Variants in MGAM2 observed in about 807,000 individuals in gnomAD.
MGAM2 encodes the protein maltase-glucoamylase 2 (putative).
A neutral mutation model predicts 96.1 loss-of-function variants in MGAM2; 98 were observed. That is an observed-to-expected ratio of 1.02 (90% CI 0.87 to 1.21). The LOEUF (loss-of-function observed/expected upper bound fraction) is 1.21, where lower values mean the gene tolerates loss of function less well. Among genes scored for constraint, MGAM2 ranks in the 50% most tolerant of loss-of-function variants. The probability of loss-of-function intolerance (pLI) is 0.00; values close to 1 mark genes in which losing one functional copy is unlikely to be tolerated. For synonymous variants in MGAM2, 749 were observed against 414.8 expected, an observed-to-expected ratio of 1.81 and a Z score of -9.79; for missense variants, 2,055 against 1,182.4, an observed-to-expected ratio of 1.74 and a Z score of -10.82.
chr7:142,160,600 G>T (rs12703439), intron 21 of MGAM2, among the ~76,000 whole-genome samples: 32,898 of 151,226 alleles, frequency 0.22, 3,686 homozygotes, highest in Middle Eastern at 0.31. Context: ...AGGAGATAAA[G>T]GTTATCACGT....
intron 38 of MGAM2, 37 bp downstream of exon 38, chr7:142,196,324 G>A (rs918216427): frequency 4.3e-6 from 3 of 693,236 alleles, no homozygotes; most frequent in South Asian, 1.6e-5. Context: ...GTGCTGGCAG[G>A]GAGGGCACTG....
chr7:142,204,758 T>C (rs536885499), intron 45 of MGAM2, among the ~76,000 whole-genome samples: 27 of 152,192 alleles, frequency 1.8e-4, no homozygotes, highest in African/African-American at 6.5e-4. Context: ...AATTAGCATG[T>C]CTAACTTATG....
chr7:142,169,327 C>T lies in MGAM2; in HGVS notation c.3028-748C>T, dbSNP rs571903565. Among the ~76,000 whole-genome samples the T allele has an allele frequency of 3.3e-5, 5 of 152,194 alleles. No individual in the cohort carries two copies. In the South Asian group the frequency reaches 1.0e-3, roughly 32 times the overall value. On this transcript the variant is annotated intron_variant, in intron 26 of 47. Transcript: ENST00000477922. ...GTTCTAGCTACTCAGGAGGCTGAAG[C>T]ATGGGAATCACTTGAACCTGGGTGG...
At chr7:142,197,123 G>A (rs1446812790) in intron 40 of MGAM2, among the ~76,000 whole-genome samples, 1 of 152,084 alleles carries the variant, frequency 6.6e-6, no homozygotes, top group Non-Finnish European at 1.5e-5. Context: ...CAAATTCATC[G>A]AAGATATGTT....
chr7:142,165,051 C>T (rs769443969), intron 24 of MGAM2, 28 bp downstream of exon 24: 25 of 671,902 alleles, frequency 3.7e-5, no homozygotes, highest in South Asian at 2.4e-4. Context: ...TCTGCAGGGC[C>T]CTTTCCAGAG....
At chr7:142,174,336 C>G (rs1193059961) in intron 31 of MGAM2, among the ~76,000 whole-genome samples, 1 of 152,096 alleles carries the variant, frequency 6.6e-6, no homozygotes, top group African/African-American at 2.4e-5. Flanking sequence ...TTGTTTGTAT[C>G]ATCTCTGATT....
At chr7:142,146,315 T>C (rs73158440) in intron 14 of MGAM2, among the ~76,000 whole-genome samples, 3 of 151,742 alleles carry the variant, frequency 2.0e-5, no homozygotes, top group Non-Finnish European at 2.9e-5. Context: ...CTTTCCAGGA[T>C]TGCATAGTGC....
In MGAM2 at chr7:142,148,759, G is replaced by C. The variant is rs1004116353; in HGVS notation, c.1634+1186G>C. On this transcript the variant is annotated intron_variant, in intron 15 of 47. Coordinates refer to ENST00000477922, the MANE Select transcript of MGAM2 (RefSeq NM_001293626.2). The surrounding 1 kb of genome is among the most constrained non-coding windows in gnomAD (Gnocchi z 4.2). ...AGGAAAGAGCATCTTTGTCTTTCTCGGCTTCTTTCCCCCTGTTTTGGTGTT... is the reference window on the plus strand; with the variant it reads ...AGGAAAGAGCATCTTTGTCTTTCTCCGCTTCTTTCCCCCTGTTTTGGTGTT... 6.6e-6 allele frequency among the ~76,000 whole-genome samples: 1 copy of C among 152,116 alleles called. No individual in the cohort carries two copies. The highest frequency in any genetic ancestry group is 1.5e-5 in the Non-Finnish European group (1 of 68,018).
chr7:142,221,571 A>G lies in MGAM2; in HGVS notation c.7060A>G (p.Ile2354Val). Reference sequence around the variant, plus strand: ...TCTTGATACAAAAAGTACCATGGTAATAGATGCTACGGTCACTACTACCAG... The same window carrying G: ...TCTTGATACAAAAAGTACCATGGTAGTAGATGCTACGGTCACTACTACCAG... ...NTLDTKSTMV[I>V]DATVTTTSTK... is the part of the protein sequence containing the mutation. The change falls in exon 48 of 48, where the codon ATA (isoleucine) becomes GTA (valine). Residue 2354 changes from isoleucine (I) to valine (V), a missense_variant. Coordinates refer to ENST00000477922, the MANE Select transcript of MGAM2 (RefSeq NM_001293626.2). The G allele has an allele frequency of 1.9e-6, 1 of 536,624 alleles. No individual in the cohort carries two copies. Among genetic ancestry groups the G allele is most frequent in the Non-Finnish European group, 3.3e-6 (1 of 307,168 alleles). The allele number at this position is 536,624 out of a possible 1,614,324, so 33.2% of individuals were successfully genotyped here. A position where few individuals can be genotyped will look rare whatever the true frequency, so the allele number is the denominator to read the frequency against.
At chr7:142,189,537 A>G (rs1456541099) in intron 37 of MGAM2, 32 bp downstream of exon 37, 2 of 676,310 alleles carry the variant, frequency 3.0e-6, no homozygotes, top group East Asian at 5.8e-5. Flanking sequence ...CAGCAAAGAT[A>G]ATTTTCCACA....
chr7:142,189,966 T>C (rs1050218035), intron 37 of MGAM2, among the ~76,000 whole-genome samples: 4 of 152,204 alleles, frequency 2.6e-5, no homozygotes, highest in African/African-American at 9.6e-5. Context: ...TTTCAATGAT[T>C]ATCTATGTTG....
intron 3 of MGAM2, among the ~76,000 whole-genome samples, chr7:142,120,766 T>A (rs1051075348): frequency 6.6e-6 from 1 of 152,124 alleles, no homozygotes. Flanking sequence ...TCCATAGTGA[T>A]AGAAAATAGA....
In MGAM2 at chr7:142,158,380, A is replaced by T. The variant is rs796558791; in HGVS notation, c.2163+48A>T. The T allele has an allele frequency of 2.1e-5, 15 of 702,062 alleles. No homozygotes were observed. The African/African-American group carries it at 2.3e-4, about 11-fold the overall frequency. The allele number at this position is 702,062 out of a possible 1,614,324, so 43.5% of individuals were successfully genotyped here. A position where few individuals can be genotyped will look rare whatever the true frequency, so the allele number is the denominator to read the frequency against. Reference sequence around the variant, plus strand: ...GAAAGGGGGTATTGCACTTGTCCTCATGGTTCTATAGCTGGATAAGTTGGT... The same window carrying T: ...GAAAGGGGGTATTGCACTTGTCCTCTTGGTTCTATAGCTGGATAAGTTGGT... On this transcript the variant is annotated intron_variant, in intron 19 of 47. Coordinates refer to ENST00000477922, the MANE Select transcript of MGAM2 (RefSeq NM_001293626.2).
chr7:142,132,247 T>A (rs987269676), intron 6 of MGAM2, among the ~76,000 whole-genome samples, 162 bp downstream of exon 6: 17 of 151,220 alleles, frequency 1.1e-4, no homozygotes, highest in East Asian at 1.9e-4. Context: ...TGTTAGCCTA[T>A]CATGCTCGTA....
Position 142,154,821 on chromosome 7 carries a change from G to A in MGAM2, c.1899G>A (p.Arg633=), listed in dbSNP as rs1299999958. The A allele has an allele frequency of 5.7e-6, 4 of 703,472 alleles. No homozygotes were observed. The Admixed American group carries it at 8.0e-5, about 14-fold the overall frequency. 43.6% of individuals were successfully genotyped at this position (703,472 alleles called of 1,614,324 possible). Residue 633 remains arginine (R), a synonymous_variant, in exon 17 of 48, where the codon AGG becomes AGA. Coordinates refer to ENST00000477922, the MANE Select transcript of MGAM2 (RefSeq NM_001293626.2). ...MQLGAFYPLP[R]NHNGPGFRDQ... is the part of the protein sequence containing the mutation. ...TTGGAGCATTTTATCCACTACCAAGGAATCACAATGGGCCTGGGTTCAGGG... is the reference window on the plus strand; with the variant it reads ...TTGGAGCATTTTATCCACTACCAAGAAATCACAATGGGCCTGGGTTCAGGG...
At chr7:142,150,058 C>G (rs1795524524) in intron 15 of MGAM2, among the ~76,000 whole-genome samples, 7 of 151,968 alleles carry the variant, frequency 4.6e-5, no homozygotes, top group Admixed American at 4.6e-4. Context: ...TTTCCTGCCT[C>G]AGGCTCCTGA....
intron 1 of MGAM2, among the ~76,000 whole-genome samples, chr7:142,115,644 G>A (rs186572329): frequency 4.6e-5 from 7 of 152,212 alleles, no homozygotes; most frequent in Non-Finnish European, 7.3e-5. Context: ...TCAGGAGTTC[G>A]AGACCAGCCT....
At chr7:142,145,805 C>T (rs373383060) in intron 14 of MGAM2, among the ~76,000 whole-genome samples, 93 of 152,130 alleles carry the variant, frequency 6.1e-4, no homozygotes, top group African/African-American at 2.2e-3. Flanking sequence ...GAAGGTGTAC[C>T]CAATTGGCCC....
At chr7:142,171,227 T>C in intron 27 of MGAM2, 45 bp from the exon 28 acceptor site, 1 of 701,514 alleles carries the variant, frequency 1.4e-6, no homozygotes, top group Non-Finnish European at 2.6e-6. Context: ...CAAGTAGCTC[T>C]GGCCAGTGGT....
Sources: allele counts gnomAD v4.1 joint callset (sites outside exome capture counted in the v4.1 genomes callset), GRCh38; gene constraint gnomAD v4.1.1; non-coding constraint Gnocchi (gnomAD v3.1); transcripts MANE v1.5; gene names NCBI Gene and HGNC (gene_info 2026-07-23, HGNC 2026-07-21).